The following CRTC1 variants were observed in gnomAD, a reference collection of about 807,000 sequenced individuals.
CRTC1 encodes the protein CREB regulated transcription coactivator 1.
A neutral mutation model predicts 66.1 loss-of-function variants in CRTC1; 18 were observed. The observed-to-expected ratio is 0.27, with a 90% CI of 0.19 to 0.40. The LOEUF (loss-of-function observed/expected upper bound fraction) is 0.40, where lower values mean the gene tolerates loss of function less well. Among genes scored for constraint, CRTC1 ranks in the 10% least tolerant of loss-of-function variants. CRTC1 has a pLI of 1.00. For synonymous variants in CRTC1, 416 were observed against 398.8 expected, an observed-to-expected ratio of 1.04 and a Z score of -0.51; for missense variants, 669 against 887.9, an observed-to-expected ratio of 0.75 and a Z score of 3.13.
intron 1 of CRTC1, among the ~76,000 whole-genome samples, chr19:18,709,665 C>T (rs2053344240): frequency 6.6e-6 from 1 of 152,168 alleles, no homozygotes; most frequent in Admixed American, 6.5e-5. Context: ...GGCAGTGCAC[C>T]TAGGACTCCA....
At chr19:18,701,091 C>T (rs1048274932) in intron 1 of CRTC1, among the ~76,000 whole-genome samples, 4 of 152,200 alleles carry the variant, frequency 2.6e-5, no homozygotes, top group South Asian at 2.1e-4. Flanking sequence ...TGCGCCCAGG[C>T]GGCCTCGGCC....
intron 1 of CRTC1, among the ~76,000 whole-genome samples, chr19:18,691,114 A>G (rs1047007634): frequency 6.1e-5 from 9 of 148,560 alleles, no homozygotes; most frequent in Non-Finnish European, 1.0e-4. Context: ...AGGCAGGAGG[A>G]TTGTTTGAGC....
intron 1 of CRTC1, among the ~76,000 whole-genome samples, chr19:18,730,835 G>A (rs2053870367): frequency 6.6e-6 from 1 of 152,154 alleles, no homozygotes; most frequent in Non-Finnish European, 1.5e-5. Context: ...GGCCCCCCTG[G>A]CTGTCTCCTC....
intron 1 of CRTC1, 29 bp from the exon 2 acceptor site, chr19:18,742,881 T>C: frequency 6.4e-7 from 1 of 1,558,380 alleles, no homozygotes; most frequent in Non-Finnish European, 8.8e-7. Flanking sequence ...AGGTGACCCC[T>C]CCCGCAGCTG....
intron 13 of CRTC1, among the ~76,000 whole-genome samples, chr19:18,776,445 G>A (rs1302435528): frequency 1.3e-5 from 2 of 152,170 alleles, no homozygotes; most frequent in Non-Finnish European, 2.9e-5. Flanking sequence ...AGGGTGATGC[G>A]CCCCCTGGCA....
intron 2 of CRTC1, among the ~76,000 whole-genome samples, chr19:18,743,400 C>T (rs923694106): frequency 1.1e-4 from 17 of 152,274 alleles, no homozygotes; most frequent in African/African-American, 4.1e-4. Context: ...GGCCTGACCC[C>T]ACTTGTCTGC....
intron 1 of CRTC1, among the ~76,000 whole-genome samples, chr19:18,740,996 C>A (rs960273238): frequency 1.3e-5 from 2 of 152,140 alleles, no homozygotes; most frequent in Non-Finnish European, 2.9e-5. Flanking sequence ...CAGAGCGAGA[C>A]TCCATCTCAA....
chr19:18,728,876 G>C (rs1291112118), intron 1 of CRTC1, among the ~76,000 whole-genome samples: 1 of 139,790 alleles, frequency 7.2e-6, no homozygotes. Flanking sequence ...GCAGTAGCAC[G>C]ATCTCAGCTC....
At chr19:18,706,222 T>TTTTTTTG (rs1568487164) in intron 1 of CRTC1, among the ~76,000 whole-genome samples, 2 of 119,172 alleles carry the variant, frequency 1.7e-5, no homozygotes, top group Non-Finnish European at 3.4e-5. Flanking sequence ...TTTTTTTTTT[T>TTTTTTTG]TAGACAGAGT....
chr19:18,739,863 G>A (rs1044644926), intron 1 of CRTC1, among the ~76,000 whole-genome samples: 7 of 152,172 alleles, frequency 4.6e-5, no homozygotes, highest in Admixed American at 2.6e-4. Flanking sequence ...AGGAGTCTCC[G>A]TGCCCACCCT....
chr19:18,733,098 A>AG (rs1313921693), intron 1 of CRTC1, among the ~76,000 whole-genome samples: 1 of 151,972 alleles, frequency 6.6e-6, no homozygotes, highest in African/African-American at 2.4e-5. Context: ...AAAAAAAAAA[A>AG]AAATGATGAC....
Position 18,765,204 on chromosome 19 carries a change from G to A in CRTC1, c.887-200G>A, listed in dbSNP as rs2054701308. Among the ~76,000 whole-genome samples, 3 of 152,200 alleles carry A rather than the reference G, an allele frequency of 2.0e-5. No individual in the cohort carries two copies. The South Asian group carries it at 6.2e-4, about 31-fold the overall frequency. On this transcript the variant is annotated intron_variant, in intron 8 of 13. Coordinates refer to ENST00000321949, the MANE Select transcript of CRTC1 (RefSeq NM_015321.3). Reference sequence around the variant, plus strand: ...CCCCTTCCTGGAAGGAAGGAGAACAGACTCTGCAGGACTGTGGGACCCTCG... The same window carrying A: ...CCCCTTCCTGGAAGGAAGGAGAACAAACTCTGCAGGACTGTGGGACCCTCG...
intron 6 of CRTC1, among the ~76,000 whole-genome samples, chr19:18,755,972 G>T (rs539618453): frequency 1.3e-5 from 2 of 152,074 alleles, no homozygotes; most frequent in East Asian, 3.9e-4. Flanking sequence ...TCCTGGGCTC[G>T]GTCTCTGTGT....
chr19:18,691,003 A>AGCGTAG (rs1568476358), intron 1 of CRTC1, among the ~76,000 whole-genome samples: 1 of 146,396 alleles, frequency 6.8e-6, no homozygotes, highest in Admixed American at 6.9e-5. Flanking sequence ...TCGAGCATGG[A>AGCGTAG]TGACAGAGCG....
intron 1 of CRTC1, among the ~76,000 whole-genome samples, chr19:18,737,846 A>T (rs1329484548): frequency 6.6e-6 from 1 of 152,124 alleles, no homozygotes; most frequent in Non-Finnish European, 1.5e-5. Flanking sequence ...TCCACTTCAC[A>T]AATAGCAAAC....
intron 1 of CRTC1, among the ~76,000 whole-genome samples, chr19:18,722,184 T>A (rs530471603): frequency 5.9e-5 from 9 of 152,326 alleles, no homozygotes; most frequent in African/African-American, 2.2e-4. Context: ...CTTGCAGCCC[T>A]GAATGGGAGA....
intron 6 of CRTC1, among the ~76,000 whole-genome samples, chr19:18,757,906 T>G (rs188352933): frequency 6.9e-4 from 104 of 149,804 alleles, no homozygotes; most frequent in Admixed American, 2.6e-3. Flanking sequence ...TAGTCCCAGC[T>G]ACTCGGGAGG....
intron 9 of CRTC1, 97 bp downstream of exon 9, chr19:18,765,625 C>T: frequency 8.2e-7 from 1 of 1,226,612 alleles, no homozygotes; most frequent in South Asian, 1.6e-5. Context: ...TCCAGGAGGC[C>T]ACAAAACCTT....
chr19:18,704,628 C>G (rs776744935), intron 1 of CRTC1, among the ~76,000 whole-genome samples: 1 of 152,114 alleles, frequency 6.6e-6, no homozygotes, highest in Non-Finnish European at 1.5e-5. Context: ...AGGAGAATCG[C>G]TTGAACCCTG....
Sources: gnomAD v4.1 joint callset for allele counts (sites outside exome capture counted in the v4.1 genomes callset) on GRCh38, gnomAD v4.1.1 for gene constraint, MANE v1.5 for transcripts, NCBI Gene and HGNC (gene_info 2026-07-23, HGNC 2026-07-21) for gene names.